Variants in SMYD3 observed in about 807,000 individuals in gnomAD.
SMYD3 encodes the protein SET and MYND domain containing 3, also known as histone-lysine N-methyltransferase SMYD3.
A neutral mutation model predicts 57.7 loss-of-function variants in SMYD3; 36 were observed. The observed-to-expected ratio is 0.62, with a 90% confidence interval of 0.48 to 0.82. The LOEUF (loss-of-function observed/expected upper bound fraction) is 0.82, where lower values mean the gene tolerates loss of function less well. Ranked by LOEUF, SMYD3 falls within the 40% of genes least tolerant of loss-of-function variation. The probability of loss-of-function intolerance (pLI) is 0.00; values close to 1 mark genes in which losing one functional copy is unlikely to be tolerated. For missense variants in SMYD3, 515 were observed against 538.8 expected (o/e 0.96, Z 0.44); for synonymous variants, 211 against 195.0 (o/e 1.08, Z -0.68).
At chr1:246,219,855 G>A (rs928917853) in intron 5 of SMYD3, among the ~76,000 whole-genome samples, 10 of 152,214 alleles carry the variant, frequency 6.6e-5, no homozygotes, top group African/African-American at 2.4e-4. Flanking sequence ...GGGGTGGAAC[G>A]CAGCAGATCC....
Position 246,442,121 on chromosome 1 carries a change from G to A in SMYD3, c.164+64933C>T, listed in dbSNP as rs531939042. On this transcript the variant is annotated intron_variant, in intron 1 of 11. Coordinates refer to ENST00000490107, the MANE Select transcript of SMYD3 (RefSeq NM_001167740.2). ...ATAATAAGTGCTACAATGTGTAAGC[G>A]CTGTGGGAGCACCATGGAGGTGTTA... 5.9e-5 allele frequency among the ~76,000 whole-genome samples: 9 copies of A among 152,304 alleles called. No homozygotes were observed. In the South Asian group the frequency reaches 1.2e-3, roughly 21 times the overall value.
chr1:246,141,023 G>T (rs1316207534), intron 5 of SMYD3, among the ~76,000 whole-genome samples: 1 of 152,192 alleles, frequency 6.6e-6, no homozygotes, highest in African/African-American at 2.4e-5. Flanking sequence ...GACAGTAGAG[G>T]TATTGTCAGG....
intron 5 of SMYD3, among the ~76,000 whole-genome samples, chr1:246,115,309 GA>G (rs1450304810): frequency 6.6e-6 from 1 of 152,166 alleles, no homozygotes; most frequent in East Asian, 1.9e-4. Flanking sequence ...CCATCAACCA[GA>G]GTAGAAAACC....
chr1:245,930,134 TTAAG>T (rs1294020933), intron 5 of SMYD3, 197 bp from the exon 6 acceptor site: 4 of 621,170 alleles, frequency 6.4e-6, no homozygotes, highest in Non-Finnish European at 1.2e-5. Flanking sequence ...CATCAGGTGG[TTAAG>T]TGCAGAAATA....
intron 5 of SMYD3, among the ~76,000 whole-genome samples, chr1:246,311,373 T>C (rs1206073006): frequency 6.6e-6 from 1 of 152,212 alleles, no homozygotes; most frequent in Non-Finnish European, 1.5e-5. Context: ...TCATCATTGC[T>C]CTAAAGAAAA....
At chr1:246,210,439 T>C (rs2063067519) in intron 5 of SMYD3, among the ~76,000 whole-genome samples, 1 of 152,110 alleles carries the variant, frequency 6.6e-6, no homozygotes, top group Non-Finnish European at 1.5e-5. Flanking sequence ...GGAATTCTGA[T>C]TCCTTTAGAA....
At chr1:246,273,575 C>CTT (rs75025399) in intron 5 of SMYD3, among the ~76,000 whole-genome samples, 14,359 of 84,222 alleles carry the variant, frequency 0.17, 1,720 homozygotes, top group East Asian at 0.35. Context: ...TTTCACTAAT[C>CTT]TTTTTTTTTT....
At chr1:246,025,114 C>T (rs1423567328) in intron 5 of SMYD3, among the ~76,000 whole-genome samples, 1 of 138,456 alleles carries the variant, frequency 7.2e-6, no homozygotes, top group Non-Finnish European at 1.5e-5. Flanking sequence ...GAAGGAGATA[C>T]AGGAAGTGGA....
chr1:246,119,361 T>A (rs958589935), intron 5 of SMYD3, among the ~76,000 whole-genome samples: 2 of 151,912 alleles, frequency 1.3e-5, no homozygotes, highest in Non-Finnish European at 2.9e-5. Context: ...TGGGTCTCTG[T>A]CTTGCAGCTA....
chr1:246,063,949 T>C (rs2060298640), intron 5 of SMYD3, among the ~76,000 whole-genome samples: 1 of 152,026 alleles, frequency 6.6e-6, no homozygotes, highest in Admixed American at 6.6e-5. Context: ...CCAGGTCTTT[T>C]CAAGGATAAG....
At chr1:245,765,483 G>A (rs1226736235) in intron 10 of SMYD3, among the ~76,000 whole-genome samples, 1 of 152,176 alleles carries the variant, frequency 6.6e-6, no homozygotes, top group Non-Finnish European at 1.5e-5. Flanking sequence ...ACAGGACGGA[G>A]CATGATTTAG....
chr1:246,459,384 C>T (rs1260289015), intron 1 of SMYD3, among the ~76,000 whole-genome samples: 8 of 151,998 alleles, frequency 5.3e-5, no homozygotes, highest in Admixed American at 4.6e-4. Flanking sequence ...CTCTCCTGCT[C>T]TGCTGTTCTC....
At chr1:245,850,042 T>C (rs1350934543) in intron 10 of SMYD3, among the ~76,000 whole-genome samples, 3 of 152,252 alleles carry the variant, frequency 2.0e-5, no homozygotes, top group East Asian at 3.9e-4. Context: ...GTAGGAATTA[T>C]GTATAACTTG....
At chr1:246,045,500 T>G (rs1403898691) in intron 5 of SMYD3, among the ~76,000 whole-genome samples, 1 of 152,118 alleles carries the variant, frequency 6.6e-6, no homozygotes, top group Non-Finnish European at 1.5e-5. Flanking sequence ...ATTAAAGACT[T>G]ACATGTCAGA....
chr1:246,182,478 A>G (rs1454200535), intron 5 of SMYD3, among the ~76,000 whole-genome samples: 1 of 152,122 alleles, frequency 6.6e-6, no homozygotes, highest in Non-Finnish European at 1.5e-5. Context: ...TGATAACGTC[A>G]CAGGCTCAGG....
intron 5 of SMYD3, among the ~76,000 whole-genome samples, chr1:246,213,130 T>C (rs78068918): frequency 0.013 from 1,915 of 152,160 alleles, 17 homozygotes; most frequent in Non-Finnish European, 0.018. Flanking sequence ...TCAAGGGAAA[T>C]TAGTATTCTT....
chr1:246,182,241 T>A (rs976826689), intron 5 of SMYD3, among the ~76,000 whole-genome samples: 7 of 152,060 alleles, frequency 4.6e-5, no homozygotes, highest in African/African-American at 1.7e-4. Flanking sequence ...CTCTTATCAG[T>A]TCCCCACTGA....
chr1:246,441,477 T>C (rs1479557124), intron 1 of SMYD3, among the ~76,000 whole-genome samples: 1 of 152,226 alleles, frequency 6.6e-6, no homozygotes, highest in Admixed American at 6.5e-5. Context: ...AGGTCACTCC[T>C]TTTCGGATTA....
At chr1:246,206,106 T>G (rs1225411212) in intron 5 of SMYD3, among the ~76,000 whole-genome samples, 1 of 152,136 alleles carries the variant, frequency 6.6e-6, no homozygotes, top group Non-Finnish European at 1.5e-5. Flanking sequence ...ATTCCTCCAC[T>G]GTTTTTAGGA....
Sources: gnomAD v4.1 joint callset for allele counts (sites outside exome capture counted in the v4.1 genomes callset) on GRCh38, gnomAD v4.1.1 for gene constraint, MANE v1.5 for transcripts, NCBI Gene and HGNC (gene_info 2026-07-23, HGNC 2026-07-21) for gene names.